IQCK: variants seen among roughly 807,000 people sequenced by gnomAD.
IQCK encodes the protein IQ domain-containing protein K.
A neutral mutation model predicts 28.1 loss-of-function variants in IQCK; 29 were observed. The ratio of observed to expected loss-of-function variants is 1.03; its 90% confidence interval spans 0.77 to 1.41. The LOEUF (loss-of-function observed/expected upper bound fraction) is 1.41. Ranked by LOEUF, IQCK falls within the 40% of genes most tolerant of loss-of-function variation. The pLI, the probability that IQCK is intolerant of heterozygous loss-of-function variation, is 0.00. For synonymous variants in IQCK, 113 were observed against 115.1 expected (o/e 0.98, Z 0.12); for missense variants, 359 against 314.7 (o/e 1.14, Z -1.07).
At chr16:19,851,461 A>C (rs2056480841) in intron 9 of IQCK, among the ~76,000 whole-genome samples, 1 of 152,106 alleles carries the variant, frequency 6.6e-6, no homozygotes, top group Admixed American at 6.5e-5. Flanking sequence ...CTTGAGCTTT[A>C]GGCATTTTCT....
chr16:19,775,955 C>T (rs1200998869), intron 6 of IQCK, among the ~76,000 whole-genome samples: 4 of 140,100 alleles, frequency 2.9e-5, no homozygotes, highest in Non-Finnish European at 4.5e-5. Flanking sequence ...GATCTAGGCT[C>T]ACTGCAATCT....
At chr16:19,834,494 T>C (rs569846869) in intron 9 of IQCK, among the ~76,000 whole-genome samples, 2 of 152,294 alleles carry the variant, frequency 1.3e-5, no homozygotes, top group East Asian at 1.9e-4. Context: ...CTTCTCAGCA[T>C]GGTAACTAAG....
intron 6 of IQCK, among the ~76,000 whole-genome samples, chr16:19,783,991 T>C (rs988961122): frequency 1.3e-5 from 2 of 148,268 alleles, no homozygotes; most frequent in Admixed American, 6.7e-5. Flanking sequence ...GAGGATTTCA[T>C]GACATCGGTT....
intron 9 of IQCK, among the ~76,000 whole-genome samples, chr16:19,834,893 TC>T (rs1312152023): frequency 1.1e-4 from 16 of 151,976 alleles, no homozygotes; most frequent in African/African-American, 3.4e-4. Flanking sequence ...ACAAAAAAGG[TC>T]AAGTTTTAGT....
At chr16:19,738,541 A>G (rs1270921431) in intron 4 of IQCK, among the ~76,000 whole-genome samples, 1 of 152,218 alleles carries the variant, frequency 6.6e-6, no homozygotes, top group Non-Finnish European at 1.5e-5. Flanking sequence ...AGCTGGCAGC[A>G]TAGCCCAGGA....
At chr16:19,802,847 T>G (rs1467827518) in intron 7 of IQCK, among the ~76,000 whole-genome samples, 2 of 152,218 alleles carry the variant, frequency 1.3e-5, no homozygotes, top group Non-Finnish European at 2.9e-5. Context: ...TCCTTTTTAT[T>G]GCTGAACAGT....
At chr16:19,723,327 C>T (rs1040816428) in intron 1 of IQCK, among the ~76,000 whole-genome samples, 3 of 152,288 alleles carry the variant, frequency 2.0e-5, no homozygotes, top group Middle Eastern at 3.4e-3. Context: ...TAGCTTAACC[C>T]TTAAGCTTCT....
chr16:19,827,563 G>T (rs912685239), downstream of IQCK, among the ~76,000 whole-genome samples: 1 of 152,128 alleles, frequency 6.6e-6, no homozygotes, highest in African/African-American at 2.4e-5. Context: ...AACTTGACCG[G>T]GCTGTGAGAT....
intron 4 of IQCK, among the ~76,000 whole-genome samples, chr16:19,757,255 A>G (rs2055065408): frequency 6.6e-6 from 1 of 152,176 alleles, no homozygotes; most frequent in Admixed American, 6.6e-5. Flanking sequence ...TCTGATGCAG[A>G]TTCAATTGCT....
intron 4 of IQCK, among the ~76,000 whole-genome samples, chr16:19,746,374 CTT>C (rs2054913529): frequency 6.6e-6 from 1 of 152,086 alleles, no homozygotes; most frequent in Non-Finnish European, 1.5e-5. Flanking sequence ...AAAATGTACA[CTT>C]AAGTTTTTAT....
At chr16:19,780,861 A>G (rs1481725806) in intron 6 of IQCK, among the ~76,000 whole-genome samples, 1 of 152,242 alleles carries the variant, frequency 6.6e-6, no homozygotes, top group Admixed American at 6.5e-5. Context: ...ATATATTACT[A>G]TATCAGCAGC....
chr16:19,755,007 GA>G (rs1478841222), intron 4 of IQCK, among the ~76,000 whole-genome samples: 1 of 152,122 alleles, frequency 6.6e-6, no homozygotes, highest in Non-Finnish European at 1.5e-5. Context: ...TTTCTCTAAT[GA>G]AATGCCTTCT....
intron 7 of IQCK, among the ~76,000 whole-genome samples, chr16:19,814,786 CTTTTT>C (rs35073247): frequency 1.6e-5 from 2 of 122,424 alleles, no homozygotes; most frequent in Non-Finnish European, 1.7e-5. Context: ...TAAAGAGGGT[CTTTTT>C]TTTTTTTTTT....
intron 9 of IQCK, among the ~76,000 whole-genome samples, chr16:19,845,077 T>C (rs1330972936): frequency 6.6e-6 from 1 of 152,210 alleles, no homozygotes. Flanking sequence ...GTGCTGGGAT[T>C]ACAAGTGTGA....
intron 7 of IQCK, among the ~76,000 whole-genome samples, chr16:19,821,207 T>G (rs774709028): frequency 5.9e-5 from 9 of 152,062 alleles, no homozygotes; most frequent in Non-Finnish European, 1.3e-4. Flanking sequence ...AAATTAAAAA[T>G]GAAATTTAAA....
chr16:19,727,406 G>A (rs1977690246), intron 1 of IQCK, among the ~76,000 whole-genome samples: 2 of 152,128 alleles, frequency 1.3e-5, no homozygotes, highest in African/African-American at 4.8e-5. Context: ...GGGCAACACG[G>A]TGAAACCCCA....
rs1394043309 is a variant in IQCK, at chr16:19,729,022, A to G, written c.182-1408A>G. On this transcript the variant is annotated intron_variant, in intron 1 of 7. Coordinates refer to ENST00000564186, the Ensembl canonical transcript of IQCK. Reference sequence around the variant, plus strand: ...TCTTGACAACATTGACCTTTCCAGAAATATTTTTACCAGTCTTTGCTTTAG... The same window carrying G: ...TCTTGACAACATTGACCTTTCCAGAGATATTTTTACCAGTCTTTGCTTTAG... Among the ~76,000 whole-genome samples, 3 of 152,376 alleles carry G rather than the reference A, an allele frequency of 2.0e-5. No individual in the cohort carries two copies. In the South Asian group the frequency reaches 6.2e-4, roughly 32 times the overall value.
intron 9 of IQCK, among the ~76,000 whole-genome samples, chr16:19,839,446 C>G (rs917325835): frequency 6.6e-6 from 1 of 151,050 alleles, no homozygotes; most frequent in East Asian, 2.0e-4. Flanking sequence ...CAGGTGTGAG[C>G]CACCACACCC....
chr16:19,785,305 C>T (rs188144831), intron 6 of IQCK, among the ~76,000 whole-genome samples: 3 of 152,226 alleles, frequency 2.0e-5, no homozygotes, highest in Admixed American at 1.3e-4. Context: ...GTACAGGGTG[C>T]CCCTGGCTAG....
Sources: allele counts gnomAD v4.1 joint callset (sites outside exome capture counted in the v4.1 genomes callset), GRCh38; gene constraint gnomAD v4.1.1; transcripts MANE v1.5; gene names NCBI Gene and HGNC (gene_info 2026-07-23, HGNC 2026-07-21).